The following DCLK1 variants were observed in gnomAD, a reference collection of about 807,000 sequenced individuals.
DCLK1 encodes doublecortin like kinase 1.
A neutral mutation model predicts 86.2 loss-of-function variants in DCLK1; 16 were observed. That is an observed-to-expected ratio of 0.19 (90% CI 0.13 to 0.28). The LOEUF is 0.28. Among genes scored for constraint, DCLK1 ranks in the 10% least tolerant of loss-of-function variants. The probability of loss-of-function intolerance (pLI) is 1.00; values close to 1 mark genes in which losing one functional copy is unlikely to be tolerated. For missense variants in DCLK1, 590 were observed against 940.2 expected (o/e 0.63, Z 4.87); for synonymous variants, 369 against 370.5 (o/e 1.00, Z 0.05).
At chr13:35,939,412 T>C (rs768879892) in intron 4 of DCLK1, among the ~76,000 whole-genome samples, 13 of 152,236 alleles carry the variant, frequency 8.5e-5, no homozygotes, top group Non-Finnish European at 1.6e-4. Flanking sequence ...GTTTGGCTTT[T>C]GTTTATTTGT....
At chr13:35,912,049 G>A (rs1875069578) in intron 4 of DCLK1, among the ~76,000 whole-genome samples, 1 of 151,930 alleles carries the variant, frequency 6.6e-6, no homozygotes, top group South Asian at 2.1e-4. Flanking sequence ...AGAATTAAAT[G>A]GAATATGTTT....
chr13:36,000,750 C>A (rs1343336479), intron 3 of DCLK1, among the ~76,000 whole-genome samples: 1 of 151,990 alleles, frequency 6.6e-6, no homozygotes, highest in East Asian at 1.9e-4. Flanking sequence ...AAAATAAAAA[C>A]CCTGAATATG....
At chr13:36,082,400 C>T (rs1884450447) in intron 3 of DCLK1, among the ~76,000 whole-genome samples, 3 of 152,116 alleles carry the variant, frequency 2.0e-5, no homozygotes, top group East Asian at 1.9e-4. Flanking sequence ...CTTATGTTAT[C>T]GGTAAGGCTT....
intron 3 of DCLK1, among the ~76,000 whole-genome samples, chr13:36,073,384 C>T (rs1385545292): frequency 6.6e-6 from 1 of 151,940 alleles, no homozygotes; most frequent in African/African-American, 2.4e-5. Context: ...ATCTCACTCC[C>T]ATAACAACCA....
intron 15 of DCLK1, among the ~76,000 whole-genome samples, chr13:35,800,970 T>C (rs9574634): frequency 0.16 from 24,148 of 151,224 alleles, 2,943 homozygotes; most frequent in African/African-American, 0.33. Flanking sequence ...ATGATCCACC[T>C]GCCACGGCCT....
At chr13:35,956,200 A>G (rs1877966652) in intron 3 of DCLK1, among the ~76,000 whole-genome samples, 1 of 152,190 alleles carries the variant, frequency 6.6e-6, no homozygotes, top group South Asian at 2.1e-4. Flanking sequence ...CCCAGAAGCT[A>G]ACCTAAATCA....
At position 35,827,616 on chromosome 13, in the gene DCLK1, T is replaced by G; in HGVS notation, c.1407+19A>C. On this transcript the variant is annotated intron_variant, in intron 10 of 16. Coordinates refer to ENST00000360631, the MANE Select transcript of DCLK1 (RefSeq NM_001330071.2). Reference sequence around the variant, plus strand: ...GCGGTGCCATCAATAAAGACTTACTTTCTTTCCAAAATACACACCTTTACT... The same window carrying G: ...GCGGTGCCATCAATAAAGACTTACTGTCTTTCCAAAATACACACCTTTACT... The G allele has an allele frequency of 1.9e-6, 3 of 1,613,420 alleles. No individual in the cohort carries two copies. Among genetic ancestry groups the G allele is most frequent in the Non-Finnish European group, 2.5e-6 (3 of 1,179,790 alleles).
chr13:35,847,651 G>GAAAGAA, intron 6 of DCLK1: 4 of 602,226 alleles, frequency 6.6e-6, no homozygotes, highest in African/African-American at 2.4e-5. Context: ...AAGAAAGAAA[G>GAAAGAA]AAAGAAAAAG....
chr13:35,847,623 A>AAAAAGAAAGAAAGAAAGAAAGAAAG (rs1555343958), intron 6 of DCLK1: 1 of 641,522 alleles, frequency 1.6e-6, no homozygotes, highest in Admixed American at 7.6e-5. Context: ...TTAAGCAAAA[A>AAAAAGAAAGAAAGAAAGAAAGAAAG]AAAGAAAGAA....
At chr13:36,021,689 A>G (rs1052086480) in intron 3 of DCLK1, among the ~76,000 whole-genome samples, 1 of 152,236 alleles carries the variant, frequency 6.6e-6, no homozygotes, top group African/African-American at 2.4e-5. Context: ...CAATCCATCA[A>G]GAAGATACGG....
At chr13:36,013,535 T>C (rs2153148655) in intron 3 of DCLK1, among the ~76,000 whole-genome samples, 1 of 152,336 alleles carries the variant, frequency 6.6e-6, no homozygotes, top group Non-Finnish European at 1.5e-5. Context: ...CCAGTTAGGC[T>C]GCTCGGGGGT....
At chr13:36,050,532 T>C (rs1402630741) in intron 3 of DCLK1, among the ~76,000 whole-genome samples, 2 of 152,166 alleles carry the variant, frequency 1.3e-5, no homozygotes, top group Admixed American at 1.3e-4. Context: ...TTTGCAACCT[T>C]TAAGAATCCC....
rs7990730 is a variant in DCLK1 at position 35,991,240 on chromosome 13, C to T, written c.724-43783G>A. 8.7e-3 allele frequency among the ~76,000 whole-genome samples: 1,327 copies of T among 152,264 alleles called. 14 individuals carry two copies. Among genetic ancestry groups the T allele is most frequent in the African/African-American group, 0.03 (1,256 of 41,548 alleles). ...CTTGCTAAGTTCCCCCCACTTATTA[C>T]CATTAGATCAGACCTTTATCCAATC... On this transcript the variant is annotated intron_variant, in intron 3 of 16. Coordinates refer to ENST00000360631, the MANE Select transcript of DCLK1 (RefSeq NM_001330071.2).
At chr13:36,120,389 C>T (rs576331655) in intron 2 of DCLK1, among the ~76,000 whole-genome samples, 2 of 152,168 alleles carry the variant, frequency 1.3e-5, no homozygotes, top group South Asian at 2.1e-4. Context: ...TGTTTAGATA[C>T]ACAAATACCA....
chr13:36,114,949 A>G (rs973805794), intron 2 of DCLK1, among the ~76,000 whole-genome samples: 1 of 152,188 alleles, frequency 6.6e-6, no homozygotes, highest in African/African-American at 2.4e-5. Context: ...TAAAATAATC[A>G]TTTTTAGAGT....
At chr13:35,804,255 C>T (rs569526763) in intron 15 of DCLK1, among the ~76,000 whole-genome samples, 63 of 150,856 alleles carry the variant, frequency 4.2e-4, no homozygotes, top group Non-Finnish European at 8.3e-4. Flanking sequence ...CTCAGCCTCC[C>T]GAGTAGCTGG....
chr13:35,819,780 T>TAA (rs138186957), intron 11 of DCLK1, among the ~76,000 whole-genome samples: 1 of 145,764 alleles, frequency 6.9e-6, no homozygotes, highest in African/African-American at 2.5e-5. Context: ...TAAAGCAATA[T>TAA]AAAAAAAAAA....
intron 13 of DCLK1, 24 bp downstream of exon 13, chr13:35,808,994 T>A (rs2087089987): frequency 5.6e-6 from 9 of 1,603,746 alleles, no homozygotes; most frequent in Non-Finnish European, 7.7e-6. Flanking sequence ...TTGTCGGCGC[T>A]GAATAAAAGA....
intron 3 of DCLK1, among the ~76,000 whole-genome samples, chr13:36,100,179 CAAAAAAAAAAAAAAAAAA>C (rs58824322): frequency 2.1e-4 from 8 of 37,686 alleles, no homozygotes; most frequent in African/African-American, 5.5e-4. Flanking sequence ...CCTGTCTCTA[CAAAAAAAAAAAAAAAAAA>C]AAAAAAAAAA....
Sources: allele counts gnomAD v4.1 joint callset (sites outside exome capture counted in the v4.1 genomes callset), GRCh38; gene constraint gnomAD v4.1.1; transcripts MANE v1.5; gene names NCBI Gene and HGNC (gene_info 2026-07-23, HGNC 2026-07-21).